GRIA2: variants seen among roughly 807,000 people sequenced by gnomAD.
The protein encoded by GRIA2 is glutamate ionotropic receptor AMPA type subunit 2, also known as glutamate receptor 2.
Under a neutral mutation model 97.3 loss-of-function variants are expected in GRIA2, and 14 were observed. That is an observed-to-expected ratio of 0.14 (90% CI 0.10 to 0.23). The LOEUF (loss-of-function observed/expected upper bound fraction) is 0.23, where lower values mean the gene tolerates loss of function less well. GRIA2 is among the 10% of genes least tolerant of loss of function. The pLI, the probability that GRIA2 is intolerant of heterozygous loss-of-function variation, is 1.00. For synonymous variants in GRIA2, 412 were observed against 387.8 expected (o/e 1.06, Z -0.73); for missense variants, 558 against 1,069.8 (o/e 0.52, Z 6.67).
chr4:157,294,130 A>G (rs1259137095), intron 2 of GRIA2, among the ~76,000 whole-genome samples: 1 of 152,106 alleles, frequency 6.6e-6, no homozygotes. Flanking sequence ...GAGTCATTCA[A>G]AAGCAAAAGT....
At chr4:157,344,496 AC>A (rs1397988510) in intron 12 of GRIA2, among the ~76,000 whole-genome samples, 1 of 152,098 alleles carries the variant, frequency 6.6e-6, no homozygotes, top group African/African-American at 2.4e-5. Flanking sequence ...TGTATTGCTT[AC>A]TTTGTTCTCT....
chr4:157,363,357 C>A (rs906352747), intron 15 of GRIA2, 78 bp from the exon 16 acceptor site: 1 of 987,612 alleles, frequency 1.0e-6, no homozygotes, highest in Non-Finnish European at 1.3e-6. Context: ...CAAAAACAAC[C>A]CTGCCTTTCC....
At chr4:157,239,491 T>C (rs1045172898) in intron 2 of GRIA2, among the ~76,000 whole-genome samples, 10 of 152,030 alleles carry the variant, frequency 6.6e-5, no homozygotes, top group African/African-American at 2.2e-4. Context: ...TAATTCTATA[T>C]TAATAACATA....
At chr4:157,343,304 G>T (rs1316275558) in intron 12 of GRIA2, among the ~76,000 whole-genome samples, 1 of 151,840 alleles carries the variant, frequency 6.6e-6, no homozygotes, top group African/African-American at 2.4e-5. Context: ...TGATAGTCAG[G>T]GCAATGATTT....
At chr4:157,283,505 A>T (rs1579330629) in intron 2 of GRIA2, among the ~76,000 whole-genome samples, 1 of 152,040 alleles carries the variant, frequency 6.6e-6, no homozygotes, top group African/African-American at 2.4e-5. Context: ...TAGCTTAATT[A>T]AATTAAATAA....
intron 2 of GRIA2, among the ~76,000 whole-genome samples, chr4:157,283,387 A>T (rs537145952): frequency 6.6e-6 from 1 of 152,146 alleles, no homozygotes; most frequent in African/African-American, 2.4e-5. Flanking sequence ...TATTAGATCC[A>T]TAATGAGTGT....
chr4:157,317,750 T>G (rs1734390201), intron 5 of GRIA2, 39 bp downstream of exon 5: 1 of 794,024 alleles, frequency 1.3e-6, no homozygotes, highest in South Asian at 1.6e-5. Flanking sequence ...TTACTAGATA[T>G]GCTTATTTAT....
chr4:157,344,595 C>G (rs990096936), intron 12 of GRIA2, among the ~76,000 whole-genome samples: 17 of 152,260 alleles, frequency 1.1e-4, no homozygotes, highest in South Asian at 6.2e-4. Flanking sequence ...ACTTGCTAAT[C>G]TTTAAAGTTC....
intron 12 of GRIA2, among the ~76,000 whole-genome samples, chr4:157,357,083 T>C (rs950722161): frequency 6.6e-6 from 1 of 152,150 alleles, no homozygotes; most frequent in Non-Finnish European, 1.5e-5. Context: ...TTTGCTATGG[T>C]TTTGGAGAAA....
chr4:157,260,777 G>T (rs950555536), intron 2 of GRIA2, among the ~76,000 whole-genome samples: 1 of 151,882 alleles, frequency 6.6e-6, no homozygotes, highest in African/African-American at 2.4e-5. Context: ...GTGATTGTTG[G>T]TGGTCTCCTC....
chr4:157,301,847 G>A (rs922853767), intron 2 of GRIA2, among the ~76,000 whole-genome samples: 3 of 151,938 alleles, frequency 2.0e-5, no homozygotes, highest in Non-Finnish European at 2.9e-5. Context: ...AAATGACCCC[G>A]AGATTGAGAA....
chr4:157,329,741 C>G (rs542947648), intron 6 of GRIA2, among the ~76,000 whole-genome samples: 1 of 152,006 alleles, frequency 6.6e-6, no homozygotes, highest in South Asian at 2.1e-4. Flanking sequence ...TACAACTCAT[C>G]AAGCTTCTCA....
chr4:157,295,425 A>G (rs1733302129), intron 2 of GRIA2, among the ~76,000 whole-genome samples: 1 of 152,114 alleles, frequency 6.6e-6, no homozygotes, highest in African/African-American at 2.4e-5. Flanking sequence ...GGAAAATGTC[A>G]TTGGGGTGTA....
At chr4:157,302,204 T>G (rs17035959) in intron 2 of GRIA2, among the ~76,000 whole-genome samples, 54,056 of 151,324 alleles carry the variant, frequency 0.36, 10,201 homozygotes, top group African/African-American at 0.48. Flanking sequence ...AAGACACATA[T>G]TTGACTTTAC....
chr4:157,351,799 C>T (rs1736021780), intron 12 of GRIA2, among the ~76,000 whole-genome samples: 3 of 152,178 alleles, frequency 2.0e-5, no homozygotes, highest in Non-Finnish European at 4.4e-5. Flanking sequence ...TTGCTCCATA[C>T]TTCTTCCCGC....
intron 8 of GRIA2, among the ~76,000 whole-genome samples, 181 bp from the exon 9 acceptor site, chr4:157,333,829 A>AT (rs1457550800): frequency 6.6e-6 from 1 of 152,176 alleles, no homozygotes; most frequent in East Asian, 1.9e-4. Flanking sequence ...ATTTTTAGGA[A>AT]TTTTTTTATA....
intron 12 of GRIA2, among the ~76,000 whole-genome samples, chr4:157,355,828 T>C (rs1322950538): frequency 1.4e-5 from 1 of 71,056 alleles, no homozygotes; most frequent in Non-Finnish European, 2.7e-5. Context: ...TATATATTTA[T>C]ATATATTTTT....
At chr4:157,356,272 A>G (rs1032676173) in intron 12 of GRIA2, among the ~76,000 whole-genome samples, 7 of 148,594 alleles carry the variant, frequency 4.7e-5, no homozygotes, top group Non-Finnish European at 1.0e-4. Flanking sequence ...CGAAAGAGGT[A>G]GAAAATCAAG....
intron 6 of GRIA2, among the ~76,000 whole-genome samples, chr4:157,330,627 T>C (rs997372607): frequency 1.3e-5 from 2 of 151,980 alleles, no homozygotes; most frequent in African/African-American, 2.4e-5. Context: ...CTGATGACTA[T>C]TGGACATAAC....
Sources: gnomAD v4.1 joint callset for allele counts (sites outside exome capture counted in the v4.1 genomes callset) on GRCh38, gnomAD v4.1.1 for gene constraint, MANE v1.5 for transcripts, NCBI Gene and HGNC (gene_info 2026-07-23, HGNC 2026-07-21) for gene names.